MFSD11: variants seen among roughly 807,000 people sequenced by gnomAD.
The protein encoded by MFSD11 is major facilitator superfamily domain containing 11, also known as UNC93-like protein MFSD11.
MFSD11 carries 36 observed loss-of-function variants against 53.5 expected under a neutral mutation model. That is an observed-to-expected ratio of 0.67 (90% CI 0.52 to 0.89). The LOEUF is 0.89. Ranked by LOEUF, MFSD11 falls within the 40% of genes least tolerant of loss-of-function variation. The pLI is 0.00. For synonymous variants in MFSD11, 186 were observed against 184.9 expected (o/e 1.01, Z -0.05); for missense variants, 530 against 543.9 (o/e 0.97, Z 0.25).
chr17:76,792,183 A>G, the MFSD11 span, among the ~76,000 whole-genome samples: 1 of 148,490 alleles, frequency 6.7e-6, no homozygotes, highest in Admixed American at 6.7e-5. Context: ...CAGTGGCACT[A>G]TCTTGGCTCA....
intron 12 of MFSD11, among the ~76,000 whole-genome samples, chr17:76,777,942 G>C (rs1416972320): frequency 6.6e-6 from 1 of 152,160 alleles, no homozygotes; most frequent in African/African-American, 2.4e-5. Context: ...GCCTCCCAAA[G>C]TGTTGGGTGG....
intron 9 of MFSD11, 89 bp from the exon 10 acceptor site, chr17:76,769,657 A>G: frequency 9.9e-7 from 1 of 1,007,398 alleles, no homozygotes; most frequent in Non-Finnish European, 1.5e-6. Context: ...TTTACTACGC[A>G]AGTATTCTTT....
rs1437027029 is a variant in MFSD11, at chr17:76,778,784, G to GGA, written c.*435_*436dup. 1 of 160,698 alleles carries GGA rather than the reference G, an allele frequency of 6.2e-6. No homozygotes were observed. Among genetic ancestry groups the GGA allele is most frequent in the Non-Finnish European group, 1.4e-5 (1 of 72,770 alleles). 10.0% of individuals were successfully genotyped at this position (160,698 alleles called of 1,614,324 possible). On this transcript the variant is annotated 3_prime_UTR_variant, in exon 13 of 13. Coordinates refer to ENST00000685175, the MANE Select transcript of MFSD11 (RefSeq NM_001242532.5). ...GCATATGTCATTCCCCATATGTGTT[G>GGA]GAGAATGACATTTAAATAAATAGCA...
At chr17:76,792,964 T>G in the MFSD11 span, among the ~76,000 whole-genome samples, 1 of 151,402 alleles carries the variant, frequency 6.6e-6, no homozygotes, top group Non-Finnish European at 1.5e-5. Context: ...AAGTTTTTAT[T>G]AGTGATTTTC....
chr17:76,793,961 G>A, the MFSD11 span, among the ~76,000 whole-genome samples: 1 of 151,220 alleles, frequency 6.6e-6, no homozygotes, highest in African/African-American at 2.5e-5. Flanking sequence ...ATAGAATCTA[G>A]GTGGCCACTA....
chr17:76,738,883 G>A, intron 1 of MFSD11, 55 bp from the exon 2 acceptor site: 1 of 1,393,430 alleles, frequency 7.2e-7, no homozygotes, highest in Non-Finnish European at 1.0e-6. Flanking sequence ...CACTTCCCAA[G>A]GGTGGGAGGG....
At chr17:76,787,915 C>T in the MFSD11 span, among the ~76,000 whole-genome samples, 2 of 150,200 alleles carry the variant, frequency 1.3e-5, no homozygotes, top group East Asian at 3.9e-4. Flanking sequence ...CAAATTCCAA[C>T]CTAACTCTGG....
intron 2 of MFSD11, among the ~76,000 whole-genome samples, chr17:76,740,127 T>G (rs1488831380): frequency 6.9e-6 from 1 of 144,192 alleles, no homozygotes; most frequent in African/African-American, 2.6e-5. Flanking sequence ...TGAGCAGAGA[T>G]TGTGCCACTG....
the MFSD11 span, among the ~76,000 whole-genome samples, chr17:76,801,604 G>A: frequency 1.3e-5 from 2 of 151,784 alleles, no homozygotes; most frequent in Admixed American, 6.6e-5. Context: ...GCACCACCAC[G>A]CCTGGCTAAT....
At chr17:76,767,804 C>T (rs1417967954) in intron 9 of MFSD11, among the ~76,000 whole-genome samples, 7 of 152,146 alleles carry the variant, frequency 4.6e-5, no homozygotes, top group African/African-American at 1.7e-4. Context: ...CTTCTTAAAG[C>T]TCAGGCTTCA....
chr17:76,801,136 A>C, the MFSD11 span, among the ~76,000 whole-genome samples: 1 of 151,786 alleles, frequency 6.6e-6, no homozygotes, highest in East Asian at 1.9e-4. Context: ...TCACGTCTGT[A>C]ATCCCAGCAC....
Position 76,740,964 on chromosome 17 carries a change from A to G in MFSD11, c.160A>G (p.Ile54Val), listed in dbSNP as rs748856445. The G allele has an allele frequency of 1.3e-5, 21 of 1,573,444 alleles. No individual in the cohort carries two copies. Among genetic ancestry groups the G allele is most frequent in the Admixed American group, 7.0e-5 (4 of 56,764 alleles). The change falls in exon 3 of 13, where the codon ATT (isoleucine) becomes GTT (valine). Residue 54 changes from isoleucine (I) to valine (V), a missense_variant. Physicochemically the swap from Ile to Val is conservative, Grantham distance 29 (BLOSUM62 3). Transcript: ENST00000685175. ...TGTGTATTATGTGTGCAGCATGGCTATTATCTATGGAGTGTTCTCTGCTTC... is the reference window on the plus strand; with the variant it reads ...TGTGTATTATGTGTGCAGCATGGCTGTTATCTATGGAGTGTTCTCTGCTTC... ...FHGSGYTSMA[I>V]IYGVFSASNL...
intron 7 of MFSD11, among the ~76,000 whole-genome samples, chr17:76,750,308 ATGAGGAAAAAAGTTTTCT>A (rs2078943526): frequency 6.6e-6 from 1 of 151,320 alleles, no homozygotes; most frequent in South Asian, 2.1e-4. Context: ...GAGTTTTATG[ATGAGGAAAAAAGTTTTCT>A]TGCTGGTTAG....
chr17:76,785,887 C>T (rs8072915), downstream of MFSD11, among the ~76,000 whole-genome samples: 1 of 151,768 alleles, frequency 6.6e-6, no homozygotes, highest in Non-Finnish European at 1.5e-5. Flanking sequence ...TTGAGACCAG[C>T]CTGGCCAACG....
At chr17:76,783,580 C>T (rs542123793), downstream of MFSD11, among the ~76,000 whole-genome samples, 90 of 152,076 alleles carry the variant, frequency 5.9e-4, 1 homozygote, top group African/African-American at 1.9e-3. Flanking sequence ...TTTTTTGAGA[C>T]GGAGTTTTGC....
At chr17:76,794,480 G>GAAA in the MFSD11 span, among the ~76,000 whole-genome samples, 141 of 138,886 alleles carry the variant, frequency 1.0e-3, 1 homozygote, top group African/African-American at 1.4e-3. Context: ...CCGTCTCAAA[G>GAAA]AAAAAAAAAA....
At chr17:76,758,980 C>T (rs1039421373) in intron 8 of MFSD11, among the ~76,000 whole-genome samples, 22 of 152,034 alleles carry the variant, frequency 1.4e-4, no homozygotes, top group Non-Finnish European at 2.5e-4. Context: ...CACAGTGGCT[C>T]ACACCTGTAA....
chr17:76,800,104 C>T, the MFSD11 span, among the ~76,000 whole-genome samples: 2 of 150,396 alleles, frequency 1.3e-5, no homozygotes, highest in African/African-American at 2.5e-5. Flanking sequence ...TACGGGCACC[C>T]GCCACCACTC....
downstream of MFSD11, among the ~76,000 whole-genome samples, chr17:76,780,577 G>A (rs1054605213): frequency 3.3e-5 from 5 of 151,042 alleles, no homozygotes; most frequent in Admixed American, 1.3e-4. Flanking sequence ...GTGCAGTGGC[G>A]CAATCTTGGC....
Sources: gnomAD v4.1 joint callset for allele counts (sites outside exome capture counted in the v4.1 genomes callset) on GRCh38, gnomAD v4.1.1 for gene constraint, MANE v1.5 for transcripts, NCBI Gene and HGNC (gene_info 2026-07-23, HGNC 2026-07-21) for gene names.